DOCK3: variants seen among roughly 807,000 people sequenced by gnomAD.
DOCK3 encodes dedicator of cytokinesis protein 3.
A neutral mutation model predicts 265.6 loss-of-function variants in DOCK3; 60 were observed. The ratio of observed to expected loss-of-function variants is 0.23; its 90% CI spans 0.18 to 0.28. DOCK3 has a LOEUF of 0.28. Ranked by LOEUF, DOCK3 falls within the 10% of genes least tolerant of loss-of-function variation. DOCK3 has a pLI of 1.00. For missense variants in DOCK3, 1,981 were observed against 2,594.3 expected, an observed-to-expected ratio of 0.76 and a Z score of 5.14; for synonymous variants, 881 against 938.0, an observed-to-expected ratio of 0.94 and a Z score of 1.11.
At chr3:51,273,161 C>CAA (rs1226921567) in intron 24 of DOCK3, among the ~76,000 whole-genome samples, 32 of 60,638 alleles carry the variant, frequency 5.3e-4, no homozygotes, top group African/African-American at 1.3e-3. Flanking sequence ...GACTCTGTCT[C>CAA]AAAAAAAAAA....
intron 49 of DOCK3, among the ~76,000 whole-genome samples, chr3:51,364,635 T>G (rs2086997442): frequency 6.6e-6 from 1 of 152,364 alleles, no homozygotes; most frequent in East Asian, 1.9e-4. Flanking sequence ...TTTAAGTCTT[T>G]AATCCATCTT....
chr3:51,373,412 C>T (rs2087838668), intron 49 of DOCK3, among the ~76,000 whole-genome samples: 1 of 152,174 alleles, frequency 6.6e-6, no homozygotes, highest in Non-Finnish European at 1.5e-5. Flanking sequence ...TCCAGGTGAT[C>T]CTCCTGTGAG....
intron 2 of DOCK3, among the ~76,000 whole-genome samples, chr3:50,828,177 C>G (rs1173555371): frequency 6.6e-6 from 1 of 152,078 alleles, no homozygotes; most frequent in Admixed American, 6.5e-5. Context: ...GATCCACCCA[C>G]CTCGGCCTCC....
At chr3:50,745,755 C>G (rs945016248) in intron 1 of DOCK3, among the ~76,000 whole-genome samples, 1 of 152,194 alleles carries the variant, frequency 6.6e-6, no homozygotes, top group South Asian at 2.1e-4. Flanking sequence ...ATATATTGTC[C>G]TCCTACCCAA....
At chr3:50,935,712 G>C (rs2108187293) in intron 5 of DOCK3, among the ~76,000 whole-genome samples, 1 of 152,312 alleles carries the variant, frequency 6.6e-6, no homozygotes, top group African/African-American at 2.4e-5. Context: ...TCAAACTGAG[G>C]AGATAGTAGG....
intron 21 of DOCK3, among the ~76,000 whole-genome samples, chr3:51,239,555 GTTTT>G (rs778591592): frequency 1.8e-4 from 23 of 128,552 alleles, no homozygotes; most frequent in African/African-American, 6.3e-4. Flanking sequence ...CTGGTCCTGG[GTTTT>G]TTTTTTGTTT....
chr3:50,927,002 A>T (rs908620349), intron 4 of DOCK3, among the ~76,000 whole-genome samples: 9 of 152,230 alleles, frequency 5.9e-5, no homozygotes, highest in Non-Finnish European at 1.3e-4. Context: ...CAGAGCAAAC[A>T]TTGAAGTTCT....
chr3:50,898,552 T>A (rs995445530), intron 4 of DOCK3: 2 of 152,894 alleles, frequency 1.3e-5, no homozygotes, highest in Admixed American at 1.3e-4. Flanking sequence ...GCTTCTGCAG[T>A]TCTTTTAATT....
chr3:51,212,955 C>T (rs187687842), intron 13 of DOCK3, among the ~76,000 whole-genome samples: 4 of 152,024 alleles, frequency 2.6e-5, no homozygotes, highest in Admixed American at 2.6e-4. Context: ...ACCGTATTTC[C>T]TCCCTTGGCC....
intron 5 of DOCK3, among the ~76,000 whole-genome samples, chr3:50,935,040 C>CT (rs534143873): frequency 6.6e-6 from 1 of 152,206 alleles, no homozygotes; most frequent in South Asian, 2.1e-4. Context: ...CTCTCTCTCT[C>CT]TTTTTTTCTC....
At chr3:51,133,083 A>G (rs2084632775) in intron 9 of DOCK3, among the ~76,000 whole-genome samples, 1 of 152,166 alleles carries the variant, frequency 6.6e-6, no homozygotes, top group Admixed American at 6.5e-5. Context: ...AACTAGACTA[A>G]GGTCCTGGCA....
intron 12 of DOCK3, among the ~76,000 whole-genome samples, chr3:51,197,817 G>T (rs930251791): frequency 2.6e-5 from 4 of 152,178 alleles, no homozygotes; most frequent in African/African-American, 9.7e-5. Flanking sequence ...CAGCGGGTGG[G>T]AATGCACATT....
At chr3:51,291,445 G>T (rs188949199) in intron 27 of DOCK3, among the ~76,000 whole-genome samples, 2 of 152,218 alleles carry the variant, frequency 1.3e-5, no homozygotes, top group East Asian at 3.9e-4. Flanking sequence ...GAAATATAAA[G>T]GATCATAAGA....
intron 38 of DOCK3, 78 bp from the exon 39 acceptor site, chr3:51,348,774 G>A (rs2085766446): frequency 7.1e-7 from 1 of 1,416,270 alleles, no homozygotes; most frequent in South Asian, 1.2e-5. Context: ...TTTGTTGTGT[G>A]TCTTCTGATG....
At chr3:51,168,056 T>C (rs2086493250) in intron 12 of DOCK3, among the ~76,000 whole-genome samples, 1 of 152,226 alleles carries the variant, frequency 6.6e-6, no homozygotes, top group South Asian at 2.1e-4. Flanking sequence ...CTATTGAATA[T>C]GATATTAGCT....
intron 4 of DOCK3, among the ~76,000 whole-genome samples, chr3:50,904,814 A>G: frequency 6.6e-6 from 1 of 151,686 alleles, no homozygotes; most frequent in Admixed American, 6.6e-5. Context: ...TTTTGTTGCC[A>G]TTGCTTTTGG....
chr3:51,113,562 C>T (rs1034285493), intron 9 of DOCK3, among the ~76,000 whole-genome samples: 41 of 152,286 alleles, frequency 2.7e-4, no homozygotes, highest in African/African-American at 9.9e-4. Context: ...CTGACAGCTT[C>T]CCTTGGACTA....
chr3:50,940,038 T>TG (rs1198070461), intron 5 of DOCK3, among the ~76,000 whole-genome samples: 1 of 68,730 alleles, frequency 1.5e-5, no homozygotes, highest in African/African-American at 4.4e-5. Context: ...GTTGCAGATA[T>TG]CCAAACACAT....
intron 22 of DOCK3, among the ~76,000 whole-genome samples, chr3:51,248,091 A>C (rs2078925073): frequency 6.6e-6 from 1 of 152,204 alleles, no homozygotes; most frequent in Non-Finnish European, 1.5e-5. Flanking sequence ...TGTTCTAACC[A>C]CTGGAGATTC....
Sources: allele counts gnomAD v4.1 joint callset (sites outside exome capture counted in the v4.1 genomes callset), GRCh38; gene constraint gnomAD v4.1.1; transcripts MANE v1.5; gene names NCBI Gene and HGNC (gene_info 2026-07-23, HGNC 2026-07-21).